The following TTC27 variants were observed in gnomAD, a reference collection of about 807,000 sequenced individuals.
TTC27 encodes tetratricopeptide repeat protein 27.
A neutral mutation model predicts 115.9 loss-of-function variants in TTC27; 79 were observed. The observed-to-expected ratio is 0.68, with a 90% CI of 0.57 to 0.82. The LOEUF (loss-of-function observed/expected upper bound fraction) is 0.82, where lower values mean the gene tolerates loss of function less well. Among genes scored for constraint, TTC27 ranks in the 40% least tolerant of loss-of-function variants. TTC27 has a pLI of 0.00. For missense variants in TTC27, 1,054 were observed against 993.1 expected, an observed-to-expected ratio of 1.06 and a Z score of -0.82; for synonymous variants, 401 against 356.0, an observed-to-expected ratio of 1.13 and a Z score of -1.42.
intron 9 of TTC27, among the ~76,000 whole-genome samples, chr2:32,685,928 TGC>T (rs1666613254): frequency 6.6e-6 from 1 of 152,190 alleles, no homozygotes; most frequent in Non-Finnish European, 1.5e-5. Context: ...ACTACCTTTA[TGC>T]AGAGGTGACA....
chr2:32,750,485 G>A (rs982794127), intron 12 of TTC27, among the ~76,000 whole-genome samples: 1 of 152,148 alleles, frequency 6.6e-6, no homozygotes, highest in Non-Finnish European at 1.5e-5. Flanking sequence ...GAAGGAAAAG[G>A]GATTTTAGGA....
intron 10 of TTC27, among the ~76,000 whole-genome samples, chr2:32,707,462 G>T (rs572525441): frequency 6.6e-6 from 1 of 152,268 alleles, no homozygotes; most frequent in Admixed American, 6.5e-5. Flanking sequence ...CAACACATGA[G>T]CTTTTAGAGG....
intron 2 of TTC27, 94 bp from the exon 3 acceptor site, chr2:32,633,782 T>C (rs1267798196): frequency 2.9e-5 from 40 of 1,380,164 alleles, no homozygotes; most frequent in East Asian, 7.0e-5. Flanking sequence ...TTGATAGATA[T>C]TATTTTCTTA....
At chr2:32,652,887 A>G (rs1665183206) in intron 5 of TTC27, among the ~76,000 whole-genome samples, 1 of 152,176 alleles carries the variant, frequency 6.6e-6, no homozygotes, top group Admixed American at 6.6e-5. Context: ...AAAGGATTTT[A>G]TGAACAACTA....
chr2:32,820,528 TC>T lies in TTC27; in HGVS notation c.2410-287del, dbSNP rs755311671. On this transcript the variant is annotated intron_variant, in intron 19 of 19. Transcript: ENST00000317907. ...GTTTAGTTGAATTATGTCTGTTCAT[TC>T]AAAAACCATCCTATAACATTGAAAT... Among the ~76,000 whole-genome samples, 360 of 152,370 alleles carry T rather than the reference TC, an allele frequency of 2.4e-3. 1 individual carries two copies. The highest frequency in any genetic ancestry group is 3.7e-3 in the Non-Finnish European group (251 of 68,042).
At chr2:32,698,320 C>T (rs1395648957) in intron 9 of TTC27, among the ~76,000 whole-genome samples, 1 of 151,742 alleles carries the variant, frequency 6.6e-6, no homozygotes, top group Non-Finnish European at 1.5e-5. Flanking sequence ...TTTGTAGAGA[C>T]AGGGGCTTGC....
chr2:32,817,522 C>A lies in TTC27; in HGVS notation c.2374C>A (p.Arg792=). The A allele has an allele frequency of 6.2e-7, 1 of 1,613,992 alleles. No individual in the cohort carries two copies. Among genetic ancestry groups the A allele is most frequent in the Non-Finnish European group, 8.5e-7 (1 of 1,179,964 alleles). The part of the protein sequence containing the change: ...QEAVQMLSSV[R]LNLRGLLSKA... The stretch of plus-strand genomic sequence containing the variant: ...AGCTGTACAAATGCTTTCTTCTGTT[C>A]GACTCAATTTACGGGGCTTGTTATC... Residue 792 remains arginine, a synonymous_variant, in exon 19 of 20, where the codon CGA becomes AGA. Transcript: ENST00000317907.
intron 3 of TTC27, among the ~76,000 whole-genome samples, chr2:32,639,999 CAAAACA>C (rs143705357): frequency 2.3e-4 from 35 of 151,760 alleles, no homozygotes; most frequent in African/African-American, 6.3e-4. Context: ...ACTCCCATCT[CAAAACA>C]AAAACAAAAA....
chr2:32,666,435 G>C (rs1296647182), intron 6 of TTC27, among the ~76,000 whole-genome samples, 200 bp from the exon 7 acceptor site: 1 of 151,536 alleles, frequency 6.6e-6, no homozygotes, highest in African/African-American at 2.4e-5. Context: ...GAAATCCTGG[G>C]TTTGAGTCCT....
chr2:32,804,511 A>G (rs1671064778), intron 16 of TTC27, among the ~76,000 whole-genome samples: 1 of 152,234 alleles, frequency 6.6e-6, no homozygotes, highest in Non-Finnish European at 1.5e-5. Context: ...CTATCAGTCC[A>G]GTGGAATATC....
intron 5 of TTC27, among the ~76,000 whole-genome samples, chr2:32,651,291 C>G (rs1665113242): frequency 1.3e-5 from 2 of 152,158 alleles, no homozygotes; most frequent in East Asian, 1.9e-4. Context: ...TAACATAACT[C>G]TCATGTGTGT....
chr2:32,702,784 T>A (rs779380810), intron 9 of TTC27, 23 bp from the exon 10 acceptor site: 1 of 1,529,906 alleles, frequency 6.5e-7, no homozygotes, highest in South Asian at 1.1e-5. Flanking sequence ...TTTCTATGAT[T>A]TTTTTCTTCC....
At chr2:32,648,910 C>T (rs1045336592) in intron 4 of TTC27, among the ~76,000 whole-genome samples, 1 of 152,032 alleles carries the variant, frequency 6.6e-6, no homozygotes, top group African/African-American at 2.4e-5. Flanking sequence ...ACTCAGGAAG[C>T]TGAAGTGGGA....
chr2:32,758,752 A>T (rs994378509), intron 13 of TTC27, among the ~76,000 whole-genome samples: 5 of 146,026 alleles, frequency 3.4e-5, no homozygotes, highest in African/African-American at 7.3e-5. Context: ...TCATTTTGTT[A>T]TTTTTTTCCC....
chr2:32,803,303 C>G (rs976908247), intron 16 of TTC27, among the ~76,000 whole-genome samples: 2 of 152,248 alleles, frequency 1.3e-5, no homozygotes, highest in Non-Finnish European at 2.9e-5. Context: ...TGTCTGCTCT[C>G]CACCCTAGCC....
intron 10 of TTC27, among the ~76,000 whole-genome samples, chr2:32,720,627 C>T (rs776904847): frequency 6.6e-6 from 1 of 152,018 alleles, no homozygotes; most frequent in Non-Finnish European, 1.5e-5. Context: ...AGAGATGAAG[C>T]CATGACAGTT....
intron 10 of TTC27, among the ~76,000 whole-genome samples, chr2:32,710,900 G>A (rs570246445): frequency 2.4e-4 from 36 of 151,600 alleles, no homozygotes; most frequent in Non-Finnish European, 3.1e-4. Context: ...GATCACTTGA[G>A]GTTGGGAGTT....
At chr2:32,735,906 A>G (rs963238488) in intron 11 of TTC27, among the ~76,000 whole-genome samples, 19 of 152,024 alleles carry the variant, frequency 1.2e-4, no homozygotes, top group Non-Finnish European at 2.4e-4. Context: ...ATTTTTAGGC[A>G]TATTTCTGAT....
At chr2:32,659,043 C>T (rs1665435686) in intron 5 of TTC27, among the ~76,000 whole-genome samples, 1 of 152,174 alleles carries the variant, frequency 6.6e-6, no homozygotes, top group Non-Finnish European at 1.5e-5. Flanking sequence ...TAACTCACTG[C>T]AGCCTTGAAC....
Sources: allele counts gnomAD v4.1 joint callset (sites outside exome capture counted in the v4.1 genomes callset), GRCh38; gene constraint gnomAD v4.1.1; transcripts MANE v1.5; gene names NCBI Gene and HGNC (gene_info 2026-07-23, HGNC 2026-07-21).